STAU2: variants seen among roughly 807,000 people sequenced by gnomAD.
STAU2 encodes staufen double-stranded RNA binding protein 2, also known as double-stranded RNA-binding protein Staufen homolog 2.
STAU2 carries 20 observed loss-of-function variants against 65.9 expected under a neutral mutation model. The ratio of observed to expected loss-of-function variants is 0.30; its 90% CI spans 0.21 to 0.44. STAU2 has a LOEUF of 0.44. Among genes scored for constraint, STAU2 ranks in the 20% least tolerant of loss-of-function variants. The pLI, the probability that STAU2 is intolerant of heterozygous loss-of-function variation, is 1.00. For missense variants in STAU2, 558 were observed against 683.9 expected, an observed-to-expected ratio of 0.82 and a Z score of 2.05; for synonymous variants, 232 against 233.9, an observed-to-expected ratio of 0.99 and a Z score of 0.07.
intron 13 of STAU2, among the ~76,000 whole-genome samples, chr8:73,530,956 G>C (rs1289179657): frequency 6.6e-6 from 1 of 152,148 alleles, no homozygotes; most frequent in African/African-American, 2.4e-5. Context: ...ACATGGACAT[G>C]GTGTACATGG....
At chr8:73,468,279 T>C (rs1819774800) in intron 13 of STAU2, among the ~76,000 whole-genome samples, 1 of 152,184 alleles carries the variant, frequency 6.6e-6, no homozygotes, top group Non-Finnish European at 1.5e-5. Context: ...CTGGATCCCT[T>C]CCTTACACCT....
At chr8:73,668,989 T>G in intron 6 of STAU2, 1 of 695,514 alleles carries the variant, frequency 1.4e-6, no homozygotes, top group East Asian at 2.7e-5. Context: ...ACCTGTTTCT[T>G]GGACTTCACC....
At chr8:73,660,251 G>A (rs528985559) in intron 6 of STAU2, among the ~76,000 whole-genome samples, 10 of 152,282 alleles carry the variant, frequency 6.6e-5, no homozygotes, top group African/African-American at 1.2e-4. Flanking sequence ...CCAACATGGT[G>A]AAACCCTGTC....
chr8:73,714,807 C>T (rs572374042), intron 3 of STAU2, among the ~76,000 whole-genome samples: 57 of 152,244 alleles, frequency 3.7e-4, no homozygotes, highest in African/African-American at 1.3e-3. Flanking sequence ...AAAGGCCAGG[C>T]GTGGTGGCTC....
At chr8:73,658,280 A>C (rs1816540606) in intron 6 of STAU2, among the ~76,000 whole-genome samples, 1 of 151,974 alleles carries the variant, frequency 6.6e-6, no homozygotes, top group African/African-American at 2.4e-5. Context: ...AGGCATGAGA[A>C]TCTCTTGAAC....
chr8:73,661,389 TATAA>T (rs370474798), intron 6 of STAU2, among the ~76,000 whole-genome samples: 212 of 151,766 alleles, frequency 1.4e-3, no homozygotes, highest in South Asian at 9.2e-3. Context: ...GGCGCTTTCT[TATAA>T]ATATTTTTAG....
chr8:73,607,513 T>C (rs1364401184), intron 9 of STAU2, among the ~76,000 whole-genome samples: 1 of 151,940 alleles, frequency 6.6e-6, no homozygotes, highest in African/African-American at 2.4e-5. Context: ...GCAGATCACC[T>C]GAGGTCGGGA....
chr8:73,706,141 G>A (rs553945368), intron 4 of STAU2, among the ~76,000 whole-genome samples: 13 of 151,828 alleles, frequency 8.6e-5, no homozygotes, highest in Middle Eastern at 3.4e-3. Flanking sequence ...TTTTGAGACC[G>A]AGTCTCACTC....
intron 3 of STAU2, among the ~76,000 whole-genome samples, chr8:73,717,969 CATTTTAACAAAGTTG>C: frequency 6.6e-6 from 1 of 152,248 alleles, no homozygotes; most frequent in African/African-American, 2.4e-5. Flanking sequence ...TGAAAATCAA[CATTTTAACAAAGTTG>C]AGTATTCCAA....
chr8:73,711,969 T>C (rs759760377), intron 3 of STAU2, among the ~76,000 whole-genome samples: 1 of 152,220 alleles, frequency 6.6e-6, no homozygotes, highest in South Asian at 2.1e-4. Context: ...GAAATCTTAA[T>C]AGGATTCTTA....
At chr8:73,533,307 A>G (rs1805947049) in intron 13 of STAU2, among the ~76,000 whole-genome samples, 1 of 152,208 alleles carries the variant, frequency 6.6e-6, no homozygotes, top group Non-Finnish European at 1.5e-5. Flanking sequence ...TATTCCACTG[A>G]AAGGTGAGTT....
chr8:73,676,268 C>T (rs1818021517), intron 5 of STAU2, among the ~76,000 whole-genome samples: 1 of 152,114 alleles, frequency 6.6e-6, no homozygotes, highest in African/African-American at 2.4e-5. Context: ...TTACAGTCAC[C>T]AGGTTTATAA....
At chr8:73,610,236 A>G (rs755751546) in intron 9 of STAU2, among the ~76,000 whole-genome samples, 3 of 145,088 alleles carry the variant, frequency 2.1e-5, no homozygotes, top group Non-Finnish European at 3.0e-5. Context: ...AGATCCTACC[A>G]TTGCACTCCA....
intron 13 of STAU2, among the ~76,000 whole-genome samples, chr8:73,516,536 C>A (rs1822737036): frequency 6.6e-6 from 1 of 151,884 alleles, no homozygotes; most frequent in African/African-American, 2.4e-5. Flanking sequence ...TCAGTGCCAA[C>A]TTAGAAACAA....
intron 3 of STAU2, among the ~76,000 whole-genome samples, chr8:73,715,609 T>C (rs929538417): frequency 2.0e-5 from 3 of 152,098 alleles, no homozygotes; most frequent in Admixed American, 6.5e-5. Context: ...AAATACAAAT[T>C]AGTACAAAAT....
chr8:73,464,240 A>G (rs1211429126), intron 13 of STAU2, among the ~76,000 whole-genome samples: 1 of 152,110 alleles, frequency 6.6e-6, no homozygotes, highest in Non-Finnish European at 1.5e-5. Context: ...AGGCTACCCA[A>G]TCTTCTAAGC....
intron 13 of STAU2, among the ~76,000 whole-genome samples, chr8:73,471,843 AAGAAGGAGAAGG>A (rs60409026): frequency 6.8e-6 from 1 of 147,968 alleles, no homozygotes; most frequent in African/African-American, 2.6e-5. Flanking sequence ...AAAAAGAGAG[AAGAAGGAGAAGG>A]AGAAGGAGAA....
intron 13 of STAU2, among the ~76,000 whole-genome samples, chr8:73,541,968 T>C (rs1806573941): frequency 6.6e-6 from 1 of 152,086 alleles, no homozygotes; most frequent in Non-Finnish European, 1.5e-5. Context: ...TTAACACATG[T>C]GCAACTGGAG....
At chr8:73,617,184 A>T in intron 7 of STAU2, 108 bp downstream of exon 7, 1 of 1,321,054 alleles carries the variant, frequency 7.6e-7, no homozygotes, top group Non-Finnish European at 1.0e-6. Flanking sequence ...TCTTCACTCT[A>T]GTATTCTTCC....
Sources: gnomAD v4.1 joint callset for allele counts (sites outside exome capture counted in the v4.1 genomes callset) on GRCh38, gnomAD v4.1.1 for gene constraint, MANE v1.5 for transcripts, NCBI Gene and HGNC (gene_info 2026-07-23, HGNC 2026-07-21) for gene names.